The following SPHKAP variants were observed in gnomAD, a reference collection of about 807,000 sequenced individuals.
The protein encoded by SPHKAP is SPHK1 interactor, AKAP domain containing.
A neutral mutation model predicts 137.5 loss-of-function variants in SPHKAP; 67 were observed. That is an observed-to-expected ratio of 0.49 (90% confidence interval 0.40 to 0.60). The LOEUF (loss-of-function observed/expected upper bound fraction) is 0.60, where lower values mean the gene tolerates loss of function less well. Ranked by LOEUF, SPHKAP falls within the 20% of genes least tolerant of loss-of-function variation. The pLI is 0.00. For missense variants in SPHKAP, 2,097 were observed against 2,069.3 expected, an observed-to-expected ratio of 1.01 and a Z score of -0.26; for synonymous variants, 813 against 785.3, an observed-to-expected ratio of 1.04 and a Z score of -0.59.
At chr2:228,005,292 C>G (rs1215183445) in intron 7 of SPHKAP, among the ~76,000 whole-genome samples, 1 of 152,118 alleles carries the variant, frequency 6.6e-6, no homozygotes, top group Admixed American at 6.6e-5. Flanking sequence ...TGAATTGATC[C>G]CTTTACCATT....
At chr2:228,089,305 A>T (rs1378682546) in intron 3 of SPHKAP, among the ~76,000 whole-genome samples, 1 of 152,222 alleles carries the variant, frequency 6.6e-6, no homozygotes, top group Non-Finnish European at 1.5e-5. Context: ...CTTAAGAGTG[A>T]TGATGTAGGG....
chr2:228,118,456 G>A (rs1161851002), intron 2 of SPHKAP, among the ~76,000 whole-genome samples: 1 of 151,826 alleles, frequency 6.6e-6, no homozygotes, highest in African/African-American at 2.4e-5. Context: ...CCTTTAAAGT[G>A]GGTTTACCAT....
At chr2:228,055,561 C>T (rs1330671275) in intron 3 of SPHKAP, among the ~76,000 whole-genome samples, 2 of 152,190 alleles carry the variant, frequency 1.3e-5, no homozygotes, top group Non-Finnish European at 2.9e-5. Flanking sequence ...GATTCTTGCT[C>T]CTCCCTGCAT....
At position 228,181,629 on chromosome 2, in the gene SPHKAP, A is replaced by G. The variant is rs768475714; in HGVS notation, c.-31T>C. On this transcript the variant is annotated 5_prime_UTR_variant, in exon 1 of 12. Transcript: ENST00000392056. The surrounding 1 kb of genome is among the most constrained non-coding windows in gnomAD (Gnocchi z 4.3). ...GTGGGCGCCCAGAGAAGAAAGACGG[A>G]AAGTGCAGGCGAAGGATAAGTCTGT... 4 of 1,614,012 alleles carry G rather than the reference A, an allele frequency of 2.5e-6. No homozygotes were observed. Among genetic ancestry groups the G allele is most frequent in the South Asian group, 2.2e-5 (2 of 91,054 alleles).
intron 3 of SPHKAP, among the ~76,000 whole-genome samples, chr2:228,078,947 C>T (rs2106312001): frequency 6.6e-6 from 1 of 152,312 alleles, no homozygotes; most frequent in African/African-American, 2.4e-5. Context: ...CTGGCAGGAT[C>T]CCCCAGCCCC....
At chr2:228,174,995 A>G (rs1427764914) in intron 1 of SPHKAP, among the ~76,000 whole-genome samples, 1 of 151,458 alleles carries the variant, frequency 6.6e-6, no homozygotes, top group Non-Finnish European at 1.5e-5. Context: ...AAGATAGGTC[A>G]ATACAAATTA....
At chr2:228,146,481 G>A (rs571576553) in intron 1 of SPHKAP, among the ~76,000 whole-genome samples, 57 of 152,192 alleles carry the variant, frequency 3.7e-4, no homozygotes, top group African/African-American at 1.0e-3. Flanking sequence ...AGGTAAACTC[G>A]TGTCACGGTA....
rs546730392 is a variant in SPHKAP, at chr2:227,995,947, T to G, written c.4449-253A>C. The G allele has an allele frequency of 3.0e-6, 3 of 984,980 alleles. No individual in the cohort carries two copies. The Admixed American group carries it at 1.8e-4, about 61-fold the overall frequency. The allele number at this position is 984,980 out of a possible 1,614,324, so 61.0% of individuals were successfully genotyped here. ...CCCTCCAATCATTTGAAAAACAGGTTGAATGTATGTAGCCTGGCCTACACA... is the reference window on the plus strand; with the variant it reads ...CCCTCCAATCATTTGAAAAACAGGTGGAATGTATGTAGCCTGGCCTACACA... On this transcript the variant is annotated intron_variant, in intron 7 of 11. Coordinates refer to ENST00000392056, the MANE Select transcript of SPHKAP (RefSeq NM_001142644.2).
In SPHKAP at chr2:227,994,716, T is replaced by G. The variant is rs118076080; in HGVS notation, c.4634+793A>C. ...TATTGTTGAGTCCAAAGATTCGAGT[T>G]CTCTTTGCTTTTTGTTTCTATCTTG... On this transcript the variant is annotated intron_variant, in intron 8 of 11. Transcript: ENST00000392056. Among the ~76,000 whole-genome samples the G allele has an allele frequency of 1.8e-4, 27 of 152,352 alleles. 1 individual carries two copies. In the East Asian group the frequency reaches 5.2e-3, roughly 29 times the overall value.
intron 1 of SPHKAP, among the ~76,000 whole-genome samples, chr2:228,153,691 T>C (rs1176235717): frequency 1.3e-5 from 2 of 152,234 alleles, no homozygotes; most frequent in Non-Finnish European, 2.9e-5. Context: ...TTCCTTATTT[T>C]CTTATCAACT....
intron 1 of SPHKAP, among the ~76,000 whole-genome samples, chr2:228,137,438 A>G (rs1699469726): frequency 6.6e-6 from 1 of 152,194 alleles, no homozygotes; most frequent in African/African-American, 2.4e-5. Flanking sequence ...AATTTAAAGA[A>G]TTTCCCAGGA....
At chr2:228,027,259 A>ATG (rs2106230080) in intron 4 of SPHKAP, among the ~76,000 whole-genome samples, 2 of 152,306 alleles carry the variant, frequency 1.3e-5, no homozygotes, top group East Asian at 3.9e-4. Context: ...GGGCAAGAGG[A>ATG]TGTGTGCCTG....
At chr2:228,125,144 G>A (rs1699033188) in intron 2 of SPHKAP, among the ~76,000 whole-genome samples, 1 of 152,150 alleles carries the variant, frequency 6.6e-6, no homozygotes, top group Admixed American at 6.6e-5. Flanking sequence ...TCCAGGTGTT[G>A]ATTTTTCTCC....
intron 11 of SPHKAP, among the ~76,000 whole-genome samples, chr2:227,985,168 G>C (rs944565469): frequency 7.9e-5 from 12 of 152,082 alleles, no homozygotes; most frequent in Non-Finnish European, 1.3e-4. Context: ...TATAGTTTGT[G>C]GTGTGGTCAC....
At chr2:228,152,503 A>C (rs1699966847) in intron 1 of SPHKAP, among the ~76,000 whole-genome samples, 1 of 151,954 alleles carries the variant, frequency 6.6e-6, no homozygotes, top group Non-Finnish European at 1.5e-5. Context: ...CATGTTTTAA[A>C]TATATCTTAT....
rs1348576344 is a variant in SPHKAP, at chr2:228,025,488, C to A, written c.347G>T (p.Ser116Ile). The change falls in exon 5 of 12, where the codon AGT becomes ATT. Residue 116 changes from serine (S) to isoleucine (I), a missense_variant. Physicochemically the swap from Ser to Ile is moderately radical, Grantham distance 142. Coordinates refer to ENST00000392056, the MANE Select transcript of SPHKAP (RefSeq NM_001142644.2). ...NVSPDLPKLI[S>I]SMNVQQPKEN... ...TTTTGGTTGTTGGACATTCATGGAACTGATAAGTTTTGGAAGATCTGGTGA... is the reference window on the plus strand; with the variant it reads ...TTTTGGTTGTTGGACATTCATGGAAATGATAAGTTTTGGAAGATCTGGTGA... The A allele has an allele frequency of 6.2e-7, 1 of 1,613,908 alleles. No homozygotes were observed. Among genetic ancestry groups the A allele is most frequent in the Admixed American group, 1.7e-5 (1 of 60,020 alleles).
chr2:228,112,543 T>C (rs896422286), intron 2 of SPHKAP, among the ~76,000 whole-genome samples: 3 of 152,010 alleles, frequency 2.0e-5, no homozygotes, highest in African/African-American at 7.2e-5. Context: ...TTTCAGAAAA[T>C]TGGTGTGCTG....
chr2:228,154,590 C>G (rs1446147048), intron 1 of SPHKAP, among the ~76,000 whole-genome samples: 3 of 119,186 alleles, frequency 2.5e-5, no homozygotes, highest in African/African-American at 9.9e-5. Flanking sequence ...GCTCTGTCAC[C>G]CAGGCTGGAG....
intron 3 of SPHKAP, among the ~76,000 whole-genome samples, chr2:228,077,548 G>A (rs1490907552): frequency 6.6e-6 from 1 of 152,248 alleles, no homozygotes; most frequent in Non-Finnish European, 1.5e-5. Flanking sequence ...CTTGCATGGG[G>A]CCTGTAGCCC....
Sources: allele counts gnomAD v4.1 joint callset (sites outside exome capture counted in the v4.1 genomes callset), GRCh38; gene constraint gnomAD v4.1.1; non-coding constraint Gnocchi (gnomAD v3.1); transcripts MANE v1.5; gene names NCBI Gene and HGNC (gene_info 2026-07-23, HGNC 2026-07-21).